Variants in PRKN observed in about 807,000 individuals in gnomAD.
PRKN encodes parkin RBR E3 ubiquitin protein ligase.
In PRKN, 56 loss-of-function variants were observed where a neutral mutation model predicts 59.5. That is an observed-to-expected ratio of 0.94 (90% CI 0.76 to 1.18). The LOEUF (loss-of-function observed/expected upper bound fraction) is 1.18, where lower values mean the gene tolerates loss of function less well. Ranked by LOEUF, PRKN falls within the 50% of genes most tolerant of loss-of-function variation. PRKN has a pLI of 0.00. For synonymous variants in PRKN, 250 were observed against 222.1 expected (o/e 1.13, Z -1.12); for missense variants, 657 against 596.4 (o/e 1.10, Z -1.06).
At chr6:161,394,046 C>T (rs1324067908) in intron 9 of PRKN, among the ~76,000 whole-genome samples, 2 of 152,124 alleles carry the variant, frequency 1.3e-5, no homozygotes, top group Non-Finnish European at 2.9e-5. Flanking sequence ...GGGAATCTAT[C>T]AAGAGAGGAA....
At chr6:161,893,426 A>G (rs1245783095) in intron 6 of PRKN, among the ~76,000 whole-genome samples, 1 of 152,186 alleles carries the variant, frequency 6.6e-6, no homozygotes, top group Non-Finnish European at 1.5e-5. Flanking sequence ...AAAGTATCCT[A>G]TAGATGCCTA....
chr6:162,142,457 C>A (rs1414719013), intron 4 of PRKN, among the ~76,000 whole-genome samples: 1 of 152,114 alleles, frequency 6.6e-6, no homozygotes, highest in Non-Finnish European at 1.5e-5. Flanking sequence ...CCATTATAGG[C>A]TTGTTATGGA....
chr6:161,929,517 CTTT>C (rs759945931), intron 6 of PRKN, among the ~76,000 whole-genome samples: 13 of 72,272 alleles, frequency 1.8e-4, no homozygotes, highest in African/African-American at 4.0e-4. Flanking sequence ...AATTTCACCT[CTTT>C]TTTTTTTTTT....
intron 7 of PRKN, among the ~76,000 whole-genome samples, chr6:161,625,441 A>T (rs772239896): frequency 1.3e-5 from 2 of 152,154 alleles, no homozygotes; most frequent in Non-Finnish European, 2.9e-5. Flanking sequence ...GAGGGATGGC[A>T]TTAGGAGAAA....
Position 161,391,491 on chromosome 6 carries a change from A to C in PRKN, c.1084-4614T>G, listed in dbSNP as rs1485177373. On this transcript the variant is annotated intron_variant, in intron 9 of 11. Transcript: ENST00000366898. This position sits in a 1 kb window ranked among gnomAD's most constrained non-coding sequence, Gnocchi z 4.9. Reference sequence around the variant, plus strand: ...TTTAAACAATCATAAAATAATACATACTTATTTCATTGGCTCTCTAAAGTC... The same window carrying C: ...TTTAAACAATCATAAAATAATACATCCTTATTTCATTGGCTCTCTAAAGTC... Among the ~76,000 whole-genome samples, 1 of 151,636 alleles carries C rather than the reference A, an allele frequency of 6.6e-6. No homozygotes were observed. The highest frequency in any genetic ancestry group is 2.4e-5 in the African/African-American group (1 of 41,196).
intron 1 of PRKN, among the ~76,000 whole-genome samples, chr6:162,453,876 C>T (rs995951616): frequency 2.0e-5 from 3 of 152,098 alleles, no homozygotes; most frequent in Non-Finnish European, 2.9e-5. Flanking sequence ...GCACTCCAGC[C>T]TGGGCGACAA....
At chr6:161,723,304 G>A (rs1435403224) in intron 7 of PRKN, among the ~76,000 whole-genome samples, 4 of 151,724 alleles carry the variant, frequency 2.6e-5, no homozygotes, top group South Asian at 4.2e-4. Context: ...CATGATTAAA[G>A]TGACACACAA....
At chr6:162,588,712 C>T (rs567048445) in intron 1 of PRKN, among the ~76,000 whole-genome samples, 89 of 152,126 alleles carry the variant, frequency 5.9e-4, no homozygotes, top group African/African-American at 2.0e-3. Flanking sequence ...CCACCACGCC[C>T]GGGTAATTTT....
intron 2 of PRKN, among the ~76,000 whole-genome samples, chr6:162,342,310 G>C (rs1784215470): frequency 6.6e-6 from 1 of 152,156 alleles, no homozygotes; most frequent in Admixed American, 6.5e-5. Flanking sequence ...TTTTCCACGA[G>C]TAAGTGAGAA....
In PRKN at chr6:161,579,678, G is replaced by A. The variant is rs972519034; in HGVS notation, c.872-10262C>T. Among the ~76,000 whole-genome samples, 1 of 151,582 alleles carries A rather than the reference G, an allele frequency of 6.6e-6. No homozygotes were observed. The highest frequency in any genetic ancestry group is 1.9e-4 in the East Asian group (1 of 5,144). On this transcript the variant is annotated intron_variant, in intron 7 of 11. Coordinates refer to ENST00000366898, the MANE Select transcript of PRKN (RefSeq NM_004562.3). This position sits in a 1 kb window ranked among gnomAD's most constrained non-coding sequence, Gnocchi z 4.2. ...AATTGATGCAATTCCTTAAATGGAG[G>A]AATTTCTTAAATGGACACAATTCCT...
Position 161,732,483 on chromosome 6 carries a change from T to TGTGTG in PRKN, c.871+53288_871+53289insCACAC, listed in dbSNP as rs1398832020. ...TTGCATTTCTTCAGAGGTTTTTTTT[T>TGTGTG]TTTGTGTGTGTGTGTGTGTGGAGAT... On this transcript the variant is annotated intron_variant, in intron 7 of 11. Transcript: ENST00000366898. 1.6e-3 allele frequency among the ~76,000 whole-genome samples: 231 copies of TGTGTG among 140,244 alleles called. 1 individual carries two copies. Among genetic ancestry groups the TGTGTG allele is most frequent in the African/African-American group, 6.7e-3 (217 of 32,630 alleles). 92.0% of individuals were successfully genotyped at this position (140,244 alleles called of 152,430 possible). A position where few individuals can be genotyped will look rare whatever the true frequency, so the allele number is the denominator to read the frequency against.
chr6:162,441,146 T>C lies in PRKN; in HGVS notation c.171+2164A>G, dbSNP rs1016412697. ...GCATCTCCAAACACACGTACTCAGC[T>C]GGCATCAACTCCCATCATGTTGGAA... On this transcript the variant is annotated intron_variant, in intron 2 of 11. Transcript: ENST00000366898. Among the ~76,000 whole-genome samples, 4 of 152,068 alleles carry C rather than the reference T, an allele frequency of 2.6e-5. No homozygotes were observed. The South Asian group carries it at 8.3e-4, about 32-fold the overall frequency.
At position 161,409,483 on chromosome 6, in the gene PRKN, T is replaced by G. The variant is rs1184419547; in HGVS notation, c.1084-22606A>C. ...GCGGAAGGACCCAGTCTTTCCAGAG[T>G]GCCCCTTTCTCAGGACATAGACAAG... is the stretch of plus-strand genomic sequence containing the variant. On this transcript the variant is annotated intron_variant, in intron 9 of 11. Transcript: ENST00000366898. This position sits in a 1 kb window ranked among gnomAD's most constrained non-coding sequence, Gnocchi z 4.6. 2.6e-5 allele frequency among the ~76,000 whole-genome samples: 4 copies of G among 150,998 alleles called. No homozygotes were observed. Among genetic ancestry groups the G allele is most frequent in the Non-Finnish European group, 1.5e-5 (1 of 68,030 alleles).
At chr6:162,636,354 C>T (rs1777711582) in intron 1 of PRKN, among the ~76,000 whole-genome samples, 1 of 152,074 alleles carries the variant, frequency 6.6e-6, no homozygotes, top group Non-Finnish European at 1.5e-5. Flanking sequence ...AATTTTTGAG[C>T]CATCTCCACC....
intron 1 of PRKN, among the ~76,000 whole-genome samples, chr6:162,537,647 G>A (rs1329666209): frequency 6.6e-6 from 1 of 152,106 alleles, no homozygotes. Context: ...CTATATTGCA[G>A]GCAAACAGAA....
intron 9 of PRKN, among the ~76,000 whole-genome samples, chr6:161,510,700 C>T (rs1160726152): frequency 6.6e-6 from 1 of 152,188 alleles, no homozygotes; most frequent in African/African-American, 2.4e-5. Flanking sequence ...GTTACTCCAG[C>T]AGAAGTTATG....
At chr6:161,500,416 A>G (rs1777918878) in intron 9 of PRKN, among the ~76,000 whole-genome samples, 1 of 152,196 alleles carries the variant, frequency 6.6e-6, no homozygotes, top group East Asian at 1.9e-4. Context: ...GTATTATACA[A>G]AAGAGTTTCA....
At position 161,388,312 on chromosome 6, in the gene PRKN, C is replaced by T. The variant is rs1328572133; in HGVS notation, c.1084-1435G>A. Among the ~76,000 whole-genome samples, 1 of 152,206 alleles carries T rather than the reference C, an allele frequency of 6.6e-6. No individual in the cohort carries two copies. The highest frequency in any genetic ancestry group is 1.5e-5 in the Non-Finnish European group (1 of 68,042). Reference sequence around the variant, plus strand: ...GCTGAGTGGCTACAATCACAGCATACAATGTGTTCTAAACTTTAAGGAGAT... The same window carrying T: ...GCTGAGTGGCTACAATCACAGCATATAATGTGTTCTAAACTTTAAGGAGAT... On this transcript the variant is annotated intron_variant, in intron 9 of 11. Coordinates refer to ENST00000366898, the MANE Select transcript of PRKN (RefSeq NM_004562.3). The surrounding 1 kb of genome is among the most constrained non-coding windows in gnomAD (Gnocchi z 4.3).
At chr6:162,613,014 T>C (rs2128219257) in intron 1 of PRKN, among the ~76,000 whole-genome samples, 1 of 152,294 alleles carries the variant, frequency 6.6e-6, no homozygotes, top group Non-Finnish European at 1.5e-5. Flanking sequence ...AGACTAAAAT[T>C]AATACCAACA....
Sources: gnomAD v4.1 joint callset for allele counts (sites outside exome capture counted in the v4.1 genomes callset) on GRCh38, gnomAD v4.1.1 for gene constraint, Gnocchi (gnomAD v3.1) non-coding constraint, MANE v1.5 for transcripts, NCBI Gene and HGNC (gene_info 2026-07-23, HGNC 2026-07-21) for gene names.